The following CSNK1G1 variants were observed in gnomAD, a reference collection of about 807,000 sequenced individuals.
CSNK1G1 encodes casein kinase 1 gamma 1.
CSNK1G1 carries 22 observed loss-of-function variants against 59.6 expected under a neutral mutation model. The observed-to-expected ratio is 0.37, with a 90% CI of 0.26 to 0.53. The LOEUF is 0.53. CSNK1G1 is among the 20% of genes least tolerant of loss of function. CSNK1G1 has a pLI of 0.89. For synonymous variants in CSNK1G1, 179 were observed against 177.1 expected, an observed-to-expected ratio of 1.01 and a Z score of -0.08; for missense variants, 384 against 519.5, an observed-to-expected ratio of 0.74 and a Z score of 2.54.
At chr15:64,259,351 A>C in intron 2 of CSNK1G1, 110 bp from the exon 3 acceptor site, 1 of 683,756 alleles carries the variant, frequency 1.5e-6, no homozygotes, top group Non-Finnish European at 2.4e-6. Flanking sequence ...AATGCTGTTC[A>C]CATAAATGAA....
Position 64,242,531 on chromosome 15 carries a change from T to C in CSNK1G1, c.292+8981A>G, listed in dbSNP as rs533117356. 7.9e-5 allele frequency among the ~76,000 whole-genome samples: 12 copies of C among 152,360 alleles called. No homozygotes were observed. In the South Asian group the frequency reaches 1.9e-3, roughly 24 times the overall value. On this transcript the variant is annotated intron_variant, in intron 4 of 11. Coordinates refer to ENST00000303052, the MANE Select transcript of CSNK1G1 (RefSeq NM_022048.5). ...AGCAGATGCCTGGTGCCACACTTCC[T>C]GTGCAGCCTGCAGAACCATGAGCCA...
chr15:64,312,586 C>G (rs2140424402), intron 1 of CSNK1G1, among the ~76,000 whole-genome samples: 1 of 152,230 alleles, frequency 6.6e-6, no homozygotes, highest in South Asian at 2.1e-4. Flanking sequence ...CTTTCTTACA[C>G]CTTATACAAA....
chr15:64,266,322 C>T (rs983351674), intron 2 of CSNK1G1, among the ~76,000 whole-genome samples: 4 of 151,992 alleles, frequency 2.6e-5, no homozygotes, highest in Non-Finnish European at 4.4e-5. Flanking sequence ...GTGATCCACC[C>T]GCCTTGGCCT....
chr15:64,321,230 A>T (rs898874402), intron 1 of CSNK1G1, among the ~76,000 whole-genome samples: 13 of 151,498 alleles, frequency 8.6e-5, no homozygotes, highest in Admixed American at 3.9e-4. Flanking sequence ...CCACTGAAAT[A>T]AAAAAAAGCA....
At chr15:64,256,284 C>T (rs2140325861) in intron 3 of CSNK1G1, among the ~76,000 whole-genome samples, 2 of 152,334 alleles carry the variant, frequency 1.3e-5, no homozygotes, top group Middle Eastern at 6.8e-3. Flanking sequence ...TTAAAAACCA[C>T]ACATCCTTCC....
intron 10 of CSNK1G1, chr15:64,181,463 A>C: frequency 6.7e-7 from 1 of 1,483,900 alleles, no homozygotes; most frequent in Non-Finnish European, 8.9e-7. Flanking sequence ...AAATAGGATA[A>C]ACAATTTGGA....
At chr15:64,186,026 C>T (rs958916755) in intron 10 of CSNK1G1, among the ~76,000 whole-genome samples, 1 of 152,104 alleles carries the variant, frequency 6.6e-6, no homozygotes, top group African/African-American at 2.4e-5. Context: ...CCCAGGATCT[C>T]CTAACTTTAT....
intron 11 of CSNK1G1, among the ~76,000 whole-genome samples, chr15:64,175,095 C>T (rs946662202): frequency 1.4e-5 from 2 of 147,794 alleles, no homozygotes; most frequent in African/African-American, 5.0e-5. Flanking sequence ...GTGACTGACA[C>T]CTCACAGGAA....
chr15:64,204,577 G>GT lies in CSNK1G1; in HGVS notation c.862dup (p.Thr288AsnfsTer13), dbSNP rs761390865. 1 of 1,613,498 alleles carries GT rather than the reference G, an allele frequency of 6.2e-7. No homozygotes were observed. Among genetic ancestry groups the GT allele is most frequent in the East Asian group, 2.2e-5 (1 of 44,866 alleles). On this transcript the variant is annotated frameshift_variant, in exon 9 of 12. Transcript: ENST00000303052. LOFTEE classifies it high-confidence loss of function. The stretch of plus-strand genomic sequence containing the variant: ...CAGTCGCCTGACATATCGAAGGTAG[G>GT]TTGCCATCTCCTCTGTTAGGAAAGA...
At chr15:64,240,645 GA>G (rs954358215) in intron 4 of CSNK1G1, among the ~76,000 whole-genome samples, 11 of 146,052 alleles carry the variant, frequency 7.5e-5, no homozygotes, top group African/African-American at 2.5e-4. Context: ...GTAATGGAAA[GA>G]AAAAAAAAAC....
intron 7 of CSNK1G1, among the ~76,000 whole-genome samples, chr15:64,206,788 G>A (rs1358418957): frequency 6.6e-6 from 1 of 152,066 alleles, no homozygotes; most frequent in Non-Finnish European, 1.5e-5. Context: ...TACACATTTT[G>A]CAATGAATAG....
chr15:64,172,018 G>T, intron 11 of CSNK1G1, 33 bp from the exon 12 acceptor site: 1 of 1,600,808 alleles, frequency 6.2e-7, no homozygotes. Flanking sequence ...AGTCAGTGCG[G>T]GAGGCCTGCA....
rs1222286066 is a variant in CSNK1G1 at position 64,168,150 on chromosome 15, C to A, written c.*3781G>T. The A allele has an allele frequency of 6.6e-6, 1 of 152,668 alleles. No homozygotes were observed. Among genetic ancestry groups the A allele is most frequent in the Non-Finnish European group, 1.5e-5 (1 of 68,048 alleles). The allele number at this position is 152,668 out of a possible 1,614,324, so 9.5% of individuals were successfully genotyped here. A position where few individuals can be genotyped will look rare whatever the true frequency, so the allele number is the denominator to read the frequency against. On this transcript the variant is annotated 3_prime_UTR_variant, in exon 12 of 12. Coordinates refer to ENST00000303052, the MANE Select transcript of CSNK1G1 (RefSeq NM_022048.5). ...AAGAGACAATCAACATGTCTAGAAA[C>A]CTCAGGATCTCTGCTGTCATCTGTA...
chr15:64,298,146 A>C (rs1352543734), intron 2 of CSNK1G1, among the ~76,000 whole-genome samples: 1 of 152,224 alleles, frequency 6.6e-6, no homozygotes, highest in African/African-American at 2.4e-5. Flanking sequence ...ATGGGCTATA[A>C]ATGTATGCTT....
At chr15:64,296,297 T>G (rs569420658) in intron 2 of CSNK1G1, among the ~76,000 whole-genome samples, 1 of 152,238 alleles carries the variant, frequency 6.6e-6, no homozygotes, top group South Asian at 2.1e-4. Context: ...ATTTTTGTAT[T>G]TTTTGTAGAG....
intron 10 of CSNK1G1, among the ~76,000 whole-genome samples, chr15:64,190,663 C>CTT: frequency 6.6e-6 from 1 of 152,206 alleles, no homozygotes; most frequent in African/African-American, 2.4e-5. Flanking sequence ...ATCCACCCGC[C>CTT]TCGGCCTCCC....
In CSNK1G1 at chr15:64,332,739, CAAAAAA is replaced by C. The variant is rs113780042; in HGVS notation, c.-225+23243_-225+23248del. The stretch of plus-strand genomic sequence containing the variant: ...AAAACAATTTAAAAAAAAACAAAAA[CAAAAAA>C]AAAGTAGTTGAAAAATAATTTAAAA... On this transcript the variant is annotated intron_variant, in intron 1 of 11. Transcript: ENST00000303052. 2.1e-5 allele frequency among the ~76,000 whole-genome samples: 3 copies of C among 144,890 alleles called. No homozygotes were observed. The East Asian group carries it at 6.4e-4, about 31-fold the overall frequency.
At chr15:64,247,070 A>G (rs1373454105) in intron 4 of CSNK1G1, among the ~76,000 whole-genome samples, 18 of 152,248 alleles carry the variant, frequency 1.2e-4, no homozygotes, top group Non-Finnish European at 1.5e-5. Context: ...ACTCTTTCAT[A>G]TCTCTGCCCC....
chr15:64,284,584 A>G (rs1279019228), intron 2 of CSNK1G1, among the ~76,000 whole-genome samples: 1 of 151,924 alleles, frequency 6.6e-6, no homozygotes. Flanking sequence ...TGTAAGTGAA[A>G]TTTTTAATTT....
Sources: gnomAD v4.1 joint callset for allele counts (sites outside exome capture counted in the v4.1 genomes callset) on GRCh38, gnomAD v4.1.1 for gene constraint, MANE v1.5 for transcripts, NCBI Gene and HGNC (gene_info 2026-07-23, HGNC 2026-07-21) for gene names.